The following PLXDC2 variants were observed in gnomAD, a reference collection of about 807,000 sequenced individuals.
PLXDC2 encodes the protein plexin domain containing 2, also known as plexin domain-containing protein 2.
Under a neutral mutation model 68.9 loss-of-function variants are expected in PLXDC2, and 40 were observed. The ratio of observed to expected loss-of-function variants is 0.58; its 90% CI spans 0.45 to 0.76. The LOEUF is 0.76. Ranked by LOEUF, PLXDC2 falls within the 30% of genes least tolerant of loss-of-function variation. The probability of loss-of-function intolerance (pLI) is 0.00; values close to 1 mark genes in which losing one functional copy is unlikely to be tolerated. For synonymous variants in PLXDC2, 243 were observed against 234.2 expected (o/e 1.04, Z -0.34); for missense variants, 644 against 661.9 (o/e 0.97, Z 0.30).
intron 1 of PLXDC2, among the ~76,000 whole-genome samples, chr10:19,972,567 ACGTG>A (rs1424119600): frequency 5.3e-5 from 8 of 152,182 alleles, no homozygotes; most frequent in South Asian, 2.1e-4. Context: ...CATGTAACAA[ACGTG>A]CACACACATC....
intron 7 of PLXDC2, among the ~76,000 whole-genome samples, chr10:20,174,281 G>A (rs1016302542): frequency 6.6e-6 from 1 of 150,560 alleles, no homozygotes; most frequent in African/African-American, 2.4e-5. Flanking sequence ...GACAGAAGAT[G>A]AGCCATCTTT....
At chr10:19,913,694 A>G (rs1342260919) in intron 1 of PLXDC2, among the ~76,000 whole-genome samples, 1 of 152,194 alleles carries the variant, frequency 6.6e-6, no homozygotes, top group Non-Finnish European at 1.5e-5. Flanking sequence ...TGCCAGCTTT[A>G]GGAGGCTGTG....
intron 1 of PLXDC2, among the ~76,000 whole-genome samples, chr10:19,993,879 C>T (rs994690147): frequency 1.2e-4 from 18 of 152,192 alleles, no homozygotes; most frequent in African/African-American, 4.1e-4. Context: ...AGGGTAAGGA[C>T]AGAGAGTAGG....
rs1833778018 is a variant in PLXDC2, at chr10:20,126,326, C to CACATACGTTATATAATACAT, written c.542-16968_542-16967insCATACGTTATATAATACATA. ...ATACACATACGTTATATAATATATACATATACGTTATATAATACATATATA... is the reference window on the plus strand; with the variant it reads ...ATACACATACGTTATATAATATATACACATACGTTATATAATACATATATACGTTATATAATACATATATA... On this transcript the variant is annotated intron_variant, in intron 4 of 13. Coordinates refer to ENST00000377252, the MANE Select transcript of PLXDC2 (RefSeq NM_032812.9). Among the ~76,000 whole-genome samples, 13 of 146,092 alleles carry CACATACGTTATATAATACAT rather than the reference C, an allele frequency of 8.9e-5. 1 individual carries two copies. The highest frequency in any genetic ancestry group is 1.4e-4 in the Admixed American group (2 of 14,500).
chr10:20,211,718 T>C lies in PLXDC2; in HGVS notation c.1111T>C (p.Cys371Arg). The change falls in exon 10 of 14, where the codon TGC becomes CGC. Residue 371 changes from cysteine (C) to arginine (R), a missense_variant. Cys to Arg is a radical substitution (Grantham distance 180). Transcript: ENST00000377252. ...TCGGCAGGACTGGGTGGACAGTGGA[T>C]GCCCTGAAGAGGTACACATGCTTTA... Reference protein sequence around the residue: ...RHRQDWVDSGCPEESKEKMCE... With the variant: ...RHRQDWVDSGRPEESKEKMCE... 1 of 1,613,038 alleles carries C rather than the reference T, an allele frequency of 6.2e-7. No homozygotes were observed. Among genetic ancestry groups the C allele is most frequent in the Non-Finnish European group, 8.5e-7 (1 of 1,179,274 alleles).
intron 1 of PLXDC2, among the ~76,000 whole-genome samples, chr10:19,830,797 T>C (rs925552888): frequency 2.6e-5 from 4 of 152,032 alleles, no homozygotes; most frequent in African/African-American, 7.3e-5. Flanking sequence ...GAGCCATCCA[T>C]AGGCAATCTT....
intron 1 of PLXDC2, among the ~76,000 whole-genome samples, chr10:19,852,202 G>A (rs1188391597): frequency 6.6e-6 from 1 of 151,858 alleles, no homozygotes; most frequent in African/African-American, 2.4e-5. Context: ...CCAGGATTTC[G>A]AGACCAGCCT....
intron 1 of PLXDC2, among the ~76,000 whole-genome samples, chr10:19,924,951 A>G (rs145145099): frequency 2.7e-4 from 41 of 152,346 alleles, no homozygotes; most frequent in African/African-American, 9.4e-4. Flanking sequence ...CCACATCTCA[A>G]TGAAGTTGTA....
intron 4 of PLXDC2, among the ~76,000 whole-genome samples, chr10:20,073,159 T>C (rs1404405904): frequency 1.3e-5 from 2 of 152,200 alleles, no homozygotes; most frequent in Non-Finnish European, 2.9e-5. Context: ...TGTTTCTACA[T>C]TGGGTGTGGG....
intron 3 of PLXDC2, among the ~76,000 whole-genome samples, chr10:20,067,564 G>A (rs111745459): frequency 2.0e-5 from 3 of 152,004 alleles, no homozygotes; most frequent in African/African-American, 7.2e-5. Flanking sequence ...GCTGGCACCT[G>A]TAATCCCAGC....
chr10:20,240,241 T>C (rs1210971300), intron 12 of PLXDC2, among the ~76,000 whole-genome samples: 1 of 152,200 alleles, frequency 6.6e-6, no homozygotes, highest in East Asian at 1.9e-4. Flanking sequence ...CTTTCCGTGT[T>C]GCTTCCTTCA....
At chr10:19,900,658 T>C (rs1838143158) in intron 1 of PLXDC2, among the ~76,000 whole-genome samples, 1 of 152,066 alleles carries the variant, frequency 6.6e-6, no homozygotes, top group African/African-American at 2.4e-5. Flanking sequence ...TTTGGTTACA[T>C]GCATAAGTTC....
intron 1 of PLXDC2, among the ~76,000 whole-genome samples, chr10:19,971,944 A>C (rs1429908293): frequency 6.6e-6 from 1 of 152,118 alleles, no homozygotes; most frequent in African/African-American, 2.4e-5. Context: ...CGGCTAAAGC[A>C]CAGGGCAGAT....
intron 4 of PLXDC2, among the ~76,000 whole-genome samples, chr10:20,071,730 G>A (rs1263305618): frequency 3.3e-5 from 5 of 152,230 alleles, no homozygotes; most frequent in Non-Finnish European, 7.3e-5. Flanking sequence ...AGAGAAGGCT[G>A]ACTGCAGGTG....
At chr10:20,176,056 C>T (rs370611030) in intron 7 of PLXDC2, among the ~76,000 whole-genome samples, 4 of 152,130 alleles carry the variant, frequency 2.6e-5, no homozygotes, top group Admixed American at 1.3e-4. Context: ...AATATGTTTG[C>T]TTATATTTTA....
intron 1 of PLXDC2, among the ~76,000 whole-genome samples, chr10:19,864,628 G>A (rs758499828): frequency 7.2e-5 from 11 of 152,178 alleles, no homozygotes; most frequent in African/African-American, 1.2e-4. Flanking sequence ...GACCCTAGAT[G>A]AGAATTTGCT....
intron 2 of PLXDC2, among the ~76,000 whole-genome samples, chr10:20,029,724 C>T (rs1235701653): frequency 6.6e-6 from 1 of 152,118 alleles, no homozygotes; most frequent in East Asian, 1.9e-4. Context: ...TCTGCAAAAT[C>T]AGCAAAACCA....
At chr10:20,124,539 C>T (rs191593303) in intron 4 of PLXDC2, among the ~76,000 whole-genome samples, 6 of 152,184 alleles carry the variant, frequency 3.9e-5, no homozygotes, top group Non-Finnish European at 7.4e-5. Context: ...AAATTTCCTG[C>T]GTGTCTGAGT....
chr10:19,962,476 C>T (rs1480571452), intron 1 of PLXDC2, among the ~76,000 whole-genome samples: 8 of 146,468 alleles, frequency 5.5e-5, no homozygotes, highest in South Asian at 2.2e-4. Context: ...CTGCACGCTC[C>T]GCCTCGAGGT....
Sources: allele counts gnomAD v4.1 joint callset (sites outside exome capture counted in the v4.1 genomes callset), GRCh38; gene constraint gnomAD v4.1.1; transcripts MANE v1.5; gene names NCBI Gene and HGNC (gene_info 2026-07-23, HGNC 2026-07-21).